Variants in CNTN5 observed in about 807,000 individuals in gnomAD.
CNTN5 encodes contactin-5.
In CNTN5, 77 loss-of-function variants were observed where a neutral mutation model predicts 129.1. The ratio of observed to expected loss-of-function variants is 0.60; its 90% CI spans 0.50 to 0.72. CNTN5 has a LOEUF of 0.72. Among genes scored for constraint, CNTN5 ranks in the 30% least tolerant of loss-of-function variants. The pLI, the probability that CNTN5 is intolerant of heterozygous loss-of-function variation, is 0.00. For synonymous variants in CNTN5, 509 were observed against 465.6 expected (o/e 1.09, Z -1.20); for missense variants, 1,478 against 1,328.8 (o/e 1.11, Z -1.75).
intron 13 of CNTN5, among the ~76,000 whole-genome samples, chr11:100,171,926 C>A (rs1036662367): frequency 1.3e-5 from 2 of 151,792 alleles, no homozygotes; most frequent in Non-Finnish European, 2.9e-5. Context: ...AGTGTTTTTT[C>A]AAAGTATGGT....
chr11:99,829,760 T>G (rs565483365), intron 4 of CNTN5, among the ~76,000 whole-genome samples: 2 of 152,180 alleles, frequency 1.3e-5, no homozygotes, highest in African/African-American at 4.8e-5. Context: ...GAGTGACATT[T>G]AAGTGATTTA....
intron 8 of CNTN5, among the ~76,000 whole-genome samples, chr11:99,998,725 T>A (rs1939630847): frequency 7.0e-6 from 1 of 143,466 alleles, no homozygotes; most frequent in East Asian, 2.1e-4. Flanking sequence ...AGAACAAAGC[T>A]GGAGGCATCA....
Position 99,172,485 on chromosome 11 carries a change from TAATGA to T in CNTN5, c.-210+151221_-210+151225del, listed in dbSNP as rs1303595041. Among the ~76,000 whole-genome samples, 4 of 152,310 alleles carry T rather than the reference TAATGA, an allele frequency of 2.6e-5. No individual in the cohort carries two copies. In the East Asian group the frequency reaches 7.7e-4, roughly 29 times the overall value. On this transcript the variant is annotated intron_variant, in intron 1 of 24. Coordinates refer to ENST00000524871, the MANE Select transcript of CNTN5 (RefSeq NM_014361.4). ...ATTTTTTATTGAGACATCTGTGGAA[TAATGA>T]AATGAGCACCAAACTTGAGTCAGAA...
At chr11:99,792,575 G>GTCTGTCTC (rs1945789718) in intron 3 of CNTN5, among the ~76,000 whole-genome samples, 1 of 134,878 alleles carries the variant, frequency 7.4e-6, no homozygotes, top group East Asian at 2.1e-4. Context: ...GTGTGTGTGT[G>GTCTGTCTC]TCTGTCTGTC....
At chr11:99,678,994 TATAC>T (rs1320878599) in intron 3 of CNTN5, among the ~76,000 whole-genome samples, 1 of 147,670 alleles carries the variant, frequency 6.8e-6, no homozygotes, top group African/African-American at 2.5e-5. Context: ...ATTCCATAAA[TATAC>T]ATATTTATTT....
chr11:100,289,789 G>C (rs1309644616), intron 18 of CNTN5, among the ~76,000 whole-genome samples: 6 of 150,100 alleles, frequency 4.0e-5, no homozygotes, highest in Admixed American at 1.3e-4. Flanking sequence ...GAAATAAAGG[G>C]TATTCAATTA....
chr11:99,202,403 G>A (rs1469459105), intron 1 of CNTN5, among the ~76,000 whole-genome samples: 4 of 152,162 alleles, frequency 2.6e-5, no homozygotes, highest in Non-Finnish European at 5.9e-5. Flanking sequence ...GTAGCTAAGA[G>A]TTCACAGATA....
At chr11:100,070,675 T>C (rs770227808) in intron 11 of CNTN5, 115 bp downstream of exon 11, 40 of 852,314 alleles carry the variant, frequency 4.7e-5, no homozygotes, top group Non-Finnish European at 6.8e-5. Context: ...ATTCGTATAA[T>C]AGGACATGTT....
intron 13 of CNTN5, among the ~76,000 whole-genome samples, chr11:100,074,905 C>T (rs757662332): frequency 6.6e-6 from 1 of 152,124 alleles, no homozygotes; most frequent in Non-Finnish European, 1.5e-5. Flanking sequence ...GGAATCAAAT[C>T]ATCACATGGC....
intron 2 of CNTN5, among the ~76,000 whole-genome samples, chr11:99,435,096 C>T (rs1943548825): frequency 6.6e-6 from 1 of 151,972 alleles, no homozygotes; most frequent in African/African-American, 2.4e-5. Context: ...GTATCAATGC[C>T]ATTTTTAAAG....
At chr11:99,250,239 G>A (rs11819926) in intron 1 of CNTN5, among the ~76,000 whole-genome samples, 6,530 of 151,982 alleles carry the variant, frequency 0.043, 459 homozygotes, top group African/African-American at 0.15. Flanking sequence ...CTTCAGCACT[G>A]CCTGCATGAC....
chr11:99,629,931 GATT>G (rs1457061368), intron 3 of CNTN5, among the ~76,000 whole-genome samples: 10 of 151,588 alleles, frequency 6.6e-5, no homozygotes, highest in African/African-American at 1.7e-4. Flanking sequence ...TTTATGCTCA[GATT>G]ATTATTAAAT....
chr11:100,025,888 G>C (rs564481304), intron 9 of CNTN5, among the ~76,000 whole-genome samples: 4 of 152,138 alleles, frequency 2.6e-5, no homozygotes, highest in African/African-American at 9.7e-5. Context: ...TTGTAGAAGG[G>C]ACTTGTCGTG....
rs559681354 is a variant in CNTN5, at chr11:100,036,285, C to T, written c.981-24927C>T. Among the ~76,000 whole-genome samples, 1,240 of 151,760 alleles carry T rather than the reference C, an allele frequency of 8.2e-3. 15 individuals are homozygous for T. Among genetic ancestry groups the T allele is most frequent in the African/African-American group, 0.028 (1,141 of 41,398 alleles). ...CAAAGATCAGATAGCTGTAGATATG[C>T]GGCATTATTTCTGAGGGCTCTGTTC... is the stretch of plus-strand genomic sequence containing the variant. On this transcript the variant is annotated intron_variant, in intron 9 of 24. Transcript: ENST00000524871.
chr11:100,196,522 T>C (rs1410243694), intron 15 of CNTN5, among the ~76,000 whole-genome samples: 1 of 152,054 alleles, frequency 6.6e-6, no homozygotes, highest in Non-Finnish European at 1.5e-5. Flanking sequence ...TGCACATTTT[T>C]ATGTTTTAAA....
At chr11:100,147,870 C>A (rs950324854) in intron 13 of CNTN5, among the ~76,000 whole-genome samples, 1 of 152,174 alleles carries the variant, frequency 6.6e-6, no homozygotes, top group Non-Finnish European at 1.5e-5. Flanking sequence ...ATAAAACTCA[C>A]TGATGACATT....
chr11:99,110,942 A>G (rs1450232357), intron 1 of CNTN5, among the ~76,000 whole-genome samples: 1 of 152,160 alleles, frequency 6.6e-6, no homozygotes, highest in African/African-American at 2.4e-5. Flanking sequence ...CACTGAGATT[A>G]TAGTTTGTCA....
At chr11:100,224,874 T>C (rs764330561) in intron 16 of CNTN5, 62 bp downstream of exon 16, 10 of 1,550,926 alleles carry the variant, frequency 6.4e-6, no homozygotes, top group Non-Finnish European at 8.9e-6. Flanking sequence ...ACAAAGGAAT[T>C]TAAATGCATG....
intron 1 of CNTN5, among the ~76,000 whole-genome samples, chr11:99,179,825 G>A (rs1857957588): frequency 6.6e-6 from 1 of 152,162 alleles, no homozygotes; most frequent in African/African-American, 2.4e-5. Context: ...GGTAGTTTGT[G>A]TGTGTTCCTG....
Sources: allele counts gnomAD v4.1 joint callset (sites outside exome capture counted in the v4.1 genomes callset), GRCh38; gene constraint gnomAD v4.1.1; transcripts MANE v1.5; gene names NCBI Gene and HGNC (gene_info 2026-07-23, HGNC 2026-07-21).